The following ANK3 variants were observed in gnomAD, a reference collection of about 807,000 sequenced individuals.
The protein encoded by ANK3 is ankyrin-3.
ANK3 carries 57 observed loss-of-function variants against 370.9 expected under a neutral mutation model. The observed-to-expected ratio is 0.15, with a 90% confidence interval of 0.12 to 0.19. ANK3 has a LOEUF of 0.19. Ranked by LOEUF, ANK3 falls within the 10% of genes least tolerant of loss-of-function variation. The probability of loss-of-function intolerance (pLI) is 1.00; values close to 1 mark genes in which losing one functional copy is unlikely to be tolerated. For missense variants in ANK3, 4,439 were observed against 5,302.1 expected, an observed-to-expected ratio of 0.84 and a Z score of 5.06; for synonymous variants, 1,929 against 1,946.3, an observed-to-expected ratio of 0.99 and a Z score of 0.23.
rs539381767 is a variant in ANK3, at chr10:60,527,409, AAC to A, written c.96+87775_96+87776del. On this transcript the variant is annotated intron_variant, in intron 2 of 43. Transcript: ENST00000373827. ...CCATATTGATTGCAGGAAATTTAAG[AAC>A]ACGAGAGAGAGAGAAGGGTTCAGAA... is the stretch of plus-strand genomic sequence containing the variant. Among the ~76,000 whole-genome samples the A allele has an allele frequency of 2.6e-3, 403 of 152,242 alleles. 2 individuals carry two copies. Among genetic ancestry groups the A allele is most frequent in the African/African-American group, 9.2e-3 (383 of 41,566 alleles).
intron 2 of ANK3, among the ~76,000 whole-genome samples, chr10:60,499,953 A>C (rs2133140305): frequency 6.6e-6 from 1 of 152,328 alleles, no homozygotes; most frequent in South Asian, 2.1e-4. Context: ...AACTGAAATA[A>C]CTGCTTAAAT....
At chr10:60,431,703 C>T (rs1474122914) in intron 2 of ANK3, among the ~76,000 whole-genome samples, 4 of 151,874 alleles carry the variant, frequency 2.6e-5, no homozygotes, top group Non-Finnish European at 2.9e-5. Flanking sequence ...ATGTAGGTGA[C>T]GGGTGGGAGG....
chr10:60,331,657 C>T (rs2051354538), intron 1 of ANK3, among the ~76,000 whole-genome samples: 2 of 151,880 alleles, frequency 1.3e-5, no homozygotes, highest in African/African-American at 4.8e-5. Flanking sequence ...GAATCTCCTT[C>T]CTGCCCATCC....
At chr10:60,471,062 A>G (rs1239165938) in intron 2 of ANK3, among the ~76,000 whole-genome samples, 2 of 152,174 alleles carry the variant, frequency 1.3e-5, no homozygotes, top group Non-Finnish European at 2.9e-5. Flanking sequence ...GCACTGCTCT[A>G]GCCTTTTGAC....
intron 28 of ANK3, among the ~76,000 whole-genome samples, chr10:60,100,772 C>A (rs141083833): frequency 2.0e-5 from 3 of 152,068 alleles, no homozygotes; most frequent in Non-Finnish European, 2.9e-5. Flanking sequence ...ATACTCAAAG[C>A]CTTCCGTGTA....
At chr10:60,646,065 C>A (rs930008581) in intron 1 of ANK3, among the ~76,000 whole-genome samples, 1 of 151,990 alleles carries the variant, frequency 6.6e-6, no homozygotes, top group Non-Finnish European at 1.5e-5. Flanking sequence ...TTTAAACTGA[C>A]ACTGGGTTGG....
At chr10:60,566,438 A>C (rs893209535) in intron 2 of ANK3, among the ~76,000 whole-genome samples, 5 of 152,234 alleles carry the variant, frequency 3.3e-5, no homozygotes, top group Non-Finnish European at 5.9e-5. Context: ...GGACTCTTTC[A>C]CTAGTGAGCC....
chr10:60,040,604 A>T (rs1451114139), intron 43 of ANK3, among the ~76,000 whole-genome samples: 1 of 152,190 alleles, frequency 6.6e-6, no homozygotes, highest in Non-Finnish European at 1.5e-5. Context: ...TTATAGGATG[A>T]TTATTTAAAA....
intron 42 of ANK3, 168 bp from the exon 43 acceptor site, chr10:60,042,927 G>C: frequency 7.1e-7 from 1 of 1,418,414 alleles, no homozygotes; most frequent in Admixed American, 3.1e-5. Flanking sequence ...ACACAGTTTA[G>C]CATCATCAAG....
At chr10:60,385,822 G>A (rs1056213559) in intron 1 of ANK3, among the ~76,000 whole-genome samples, 2 of 151,974 alleles carry the variant, frequency 1.3e-5, no homozygotes, top group African/African-American at 4.8e-5. Context: ...TTTTTGACAG[G>A]ACTTGGTAAA....
At chr10:60,647,189 G>A (rs1323979148) in intron 1 of ANK3, among the ~76,000 whole-genome samples, 1 of 152,144 alleles carries the variant, frequency 6.6e-6, no homozygotes, top group Non-Finnish European at 1.5e-5. Flanking sequence ...CTAACCTTAA[G>A]GTGTTAGCTA....
rs1239659074 is a variant in ANK3, at chr10:60,538,683, AT to A, written c.96+76502del. ...TAACATACACCATGGTTCTGCAGTTATTTTTTAGTGTGACTTTTTCTTCTGC... is the reference window on the plus strand; with the variant it reads ...TAACATACACCATGGTTCTGCAGTTATTTTTAGTGTGACTTTTTCTTCTGC... On this transcript the variant is annotated intron_variant, in intron 2 of 43. Coordinates refer to the ANK3 transcript ENST00000373827. 3.3e-5 allele frequency among the ~76,000 whole-genome samples: 5 copies of A among 151,854 alleles called. No homozygotes were observed. The Admixed American group carries it at 3.3e-4, about 10-fold the overall frequency.
intron 25 of ANK3, among the ~76,000 whole-genome samples, chr10:60,122,572 G>A (rs1244878138): frequency 2.0e-5 from 3 of 152,254 alleles, no homozygotes; most frequent in Admixed American, 2.0e-4. Flanking sequence ...GTGATCATTA[G>A]CAGATTACTC....
At chr10:60,423,138 A>G (rs1351428445) in intron 2 of ANK3, among the ~76,000 whole-genome samples, 1 of 152,066 alleles carries the variant, frequency 6.6e-6, no homozygotes, top group Non-Finnish European at 1.5e-5. Context: ...GTTTTTGTCT[A>G]CGTGAAAACC....
chr10:60,612,649 G>A lies in ANK3; in HGVS notation c.96+2537C>T, dbSNP rs187529543. Among the ~76,000 whole-genome samples the A allele has an allele frequency of 2.6e-3, 399 of 152,262 alleles. 2 individuals are homozygous for A. The highest frequency in any genetic ancestry group is 9.0e-3 in the African/African-American group (373 of 41,552). On this transcript the variant is annotated intron_variant, in intron 2 of 43. Coordinates refer to the ANK3 transcript ENST00000373827. The stretch of plus-strand genomic sequence containing the variant: ...TGGGATTACAGGCGCTTGCCACCAT[G>A]CCCGGCTAATTTTTTGTATTTTTAG...
chr10:60,306,922 C>G (rs141227918), intron 1 of ANK3, among the ~76,000 whole-genome samples: 1 of 152,114 alleles, frequency 6.6e-6, no homozygotes, highest in South Asian at 2.1e-4. Context: ...TTTGTATAGA[C>G]AGGGTCTATG....
intron 17 of ANK3, among the ~76,000 whole-genome samples, chr10:60,186,194 T>A (rs2096324240): frequency 6.6e-6 from 1 of 152,138 alleles, no homozygotes; most frequent in South Asian, 2.1e-4. Context: ...GTAACAATGG[T>A]GCTCTTTGAA....
chr10:60,449,009 A>G (rs1050966583), intron 2 of ANK3, among the ~76,000 whole-genome samples: 7 of 152,220 alleles, frequency 4.6e-5, no homozygotes, highest in African/African-American at 1.2e-4. Flanking sequence ...GGGTCAGTAA[A>G]ATGACCAAGA....
rs768660263 is a variant in ANK3, at chr10:60,071,494, C to T, written c.9387G>A (p.Arg3129=). Residue 3129 remains arginine, a synonymous_variant, in exon 37 of 44, where the codon AGG becomes AGA. Coordinates refer to ENST00000280772, the MANE Select transcript of ANK3 (RefSeq NM_020987.5). ...SQECKTVQET[R]GTFYTTRQQK... ...GCTGTCTAGTTGTATAAAAGGTCCC[C>T]CTGGTTTCTTGTACTGTCTTACATT... 1 of 1,613,946 alleles carries T rather than the reference C, an allele frequency of 6.2e-7. No individual in the cohort carries two copies. Among genetic ancestry groups the T allele is most frequent in the Non-Finnish European group, 8.5e-7 (1 of 1,179,952 alleles).
Sources: gnomAD v4.1 joint callset for allele counts (sites outside exome capture counted in the v4.1 genomes callset) on GRCh38, gnomAD v4.1.1 for gene constraint, MANE v1.5 for transcripts, NCBI Gene and HGNC (gene_info 2026-07-23, HGNC 2026-07-21) for gene names.